The following LRP3 variants were observed in gnomAD, a reference collection of about 807,000 sequenced individuals.
LRP3 encodes the protein LDL receptor related protein 3.
LRP3 carries 49 observed loss-of-function variants against 58.5 expected under a neutral mutation model. The observed-to-expected ratio is 0.84, with a 90% CI of 0.67 to 1.06. LRP3 has a LOEUF of 1.06. Ranked by LOEUF, LRP3 falls within the 50% of genes least tolerant of loss-of-function variation. The pLI, the probability that LRP3 is intolerant of heterozygous loss-of-function variation, is 0.00. For synonymous variants in LRP3, 485 were observed against 492.2 expected (o/e 0.99, Z 0.20); for missense variants, 1,019 against 1,134.2 (o/e 0.90, Z 1.46).
rs141604275 is a variant in LRP3 at position 33,202,939 on chromosome 19, C to T, written c.213C>T (p.Asn71=). Residue 71 remains asparagine, a synonymous_variant, in exon 3 of 7, where the codon AAC becomes AAT. Transcript: ENST00000253193. ...CCCTCAACTACCCGCCAGGCACCAA[C>T]TGCAGCTGGTACATCCAGGGCGACC... ...AWPLNYPPGT[N]CSWYIQGDRG... The T allele has an allele frequency of 7.9e-5, 128 of 1,612,718 alleles. No individual in the cohort carries two copies. In the African/African-American group the frequency reaches 1.6e-3, roughly 20 times the overall value.
In LRP3 at chr19:33,207,669, AG is replaced by A. The variant is rs1235913820; in HGVS notation, c.*96del. 2.8e-6 allele frequency: 3 copies of A among 1,057,000 alleles called. No homozygotes were observed. In the African/African-American group the frequency reaches 4.7e-5, roughly 17 times the overall value. 65.5% of individuals were successfully genotyped at this position (1,057,000 alleles called of 1,614,324 possible). On this transcript the variant is annotated 3_prime_UTR_variant, in exon 7 of 7. Transcript: ENST00000253193. ...TGCCTCTGCGTCCTTTCTTATGGAG[AG>A]GCCCTCCGGGGACCCCAGCGGAGGG...
chr19:33,205,423 C>T lies in LRP3; in HGVS notation c.653C>T (p.Pro218Leu), dbSNP rs756741325. ...PGSLCPGGTF[P>L]CSGARSTRCL... is the part of the protein sequence containing the mutation. ...AGCCTGTGCCCCGGGGGGACCTTCC[C>T]ATGCAGCGGGGCGCGCTCCACGCGC... Residue 218 changes from proline to leucine, a missense_variant, in exon 5 of 7, where the codon CCA becomes CTA. This residue lies in a region of LRP3 where 592 missense variants were observed against 725.5 expected (regional missense o/e 0.82). Coordinates refer to ENST00000253193, the MANE Select transcript of LRP3 (RefSeq NM_002333.4). 5.0e-6 allele frequency: 8 copies of T among 1,593,018 alleles called. No homozygotes were observed. The South Asian group carries it at 5.6e-5, about 11-fold the overall frequency.
intron 1 of LRP3, 24 bp from the exon 2 acceptor site, chr19:33,196,706 A>T: frequency 6.2e-7 from 1 of 1,613,590 alleles, no homozygotes. Flanking sequence ...GGGACCCCTG[A>T]CCCTTTCTTT....
chr19:33,204,610 T>A (rs768844690), intron 3 of LRP3, 28 bp from the exon 4 acceptor site: 1 of 1,540,078 alleles, frequency 6.5e-7, no homozygotes, highest in Non-Finnish European at 8.9e-7. Context: ...TACTGCCTCA[T>A]GTCTGGGTCC....
chr19:33,207,689 C>T lies in LRP3; in HGVS notation c.*114C>T, dbSNP rs898497884. On this transcript the variant is annotated 3_prime_UTR_variant, in exon 7 of 7. Coordinates refer to ENST00000253193, the MANE Select transcript of LRP3 (RefSeq NM_002333.4). The stretch of plus-strand genomic sequence containing the variant: ...TGGAGAGGCCCTCCGGGGACCCCAG[C>T]GGAGGGGCTGGCCCCTAAGCCAGCT... 5.1e-5 allele frequency: 43 copies of T among 841,498 alleles called. No homozygotes were observed. The highest frequency in any genetic ancestry group is 3.5e-4 in the African/African-American group (21 of 59,398). The allele number at this position is 841,498 out of a possible 1,614,324, so 52.1% of individuals were successfully genotyped here. A position where few individuals can be genotyped will look rare whatever the true frequency, so the allele number is the denominator to read the frequency against.
rs781674425 is a variant in LRP3 at position 33,207,171 on chromosome 19, G to A, written c.1909G>A (p.Asp637Asn). ...AARPSQTVLG[D>N]GFLQPAPGAA... ...ACGCCCCTCACAGACCGTGCTGGGC[G>A]ATGGCTTCCTCCAGCCTGCTCCAGG... Residue 637 changes from aspartate to asparagine, a missense_variant, in exon 7 of 7, where the codon GAT becomes AAT. Transcript: ENST00000253193. 216 of 1,545,134 alleles carry A rather than the reference G, an allele frequency of 1.4e-4. 1 individual carries two copies. The highest frequency in any genetic ancestry group is 1.2e-4 in the Non-Finnish European group (143 of 1,149,840).
rs933787038 is a variant in LRP3, at chr19:33,194,704, A to G, written c.-82A>G. ...CCGAGCCCGAGCCCGAGCCGCAGCCAGAGCCAGAGCCGGAGCCGCAGCCGG... is the reference window on the plus strand; with the variant it reads ...CCGAGCCCGAGCCCGAGCCGCAGCCGGAGCCAGAGCCGGAGCCGCAGCCGG... On this transcript the variant is annotated 5_prime_UTR_variant, in exon 1 of 7. Coordinates refer to ENST00000253193, the MANE Select transcript of LRP3 (RefSeq NM_002333.4). 176 of 376,094 alleles carry G rather than the reference A, an allele frequency of 4.7e-4. 6 individuals are homozygous for G. In the South Asian group the frequency reaches 0.015, roughly 33 times the overall value. The allele number at this position is 376,094 out of a possible 1,614,324, so 23.3% of individuals were successfully genotyped here.
chr19:33,204,988 C>CAGGA (rs1478044049), intron 4 of LRP3, 136 bp downstream of exon 4: 1 of 850,194 alleles, frequency 1.2e-6, no homozygotes, highest in East Asian at 2.7e-5. Flanking sequence ...CTGTCAATCT[C>CAGGA]AGGACAGTGG....
Position 33,194,768 on chromosome 19 carries a change from C to A in LRP3, c.-18C>A. On this transcript the variant is annotated 5_prime_UTR_variant, in exon 1 of 7. Transcript: ENST00000253193. The stretch of plus-strand genomic sequence containing the variant: ...GCCGCGGGGCAGGAGGCGGCGCCCG[C>A]GGGCGGCCGGGCCCGGCATGGAGAA... 1.0e-6 allele frequency: 1 copy of A among 958,912 alleles called. No individual in the cohort carries two copies. Among genetic ancestry groups the A allele is most frequent in the Non-Finnish European group, 1.2e-6 (1 of 804,986 alleles). The allele number at this position is 958,912 out of a possible 1,614,324, so 59.4% of individuals were successfully genotyped here. A position where few individuals can be genotyped will look rare whatever the true frequency, so the allele number is the denominator to read the frequency against.
intron 1 of LRP3, among the ~76,000 whole-genome samples, chr19:33,195,267 C>T (rs1433224033): frequency 6.6e-6 from 1 of 152,156 alleles, no homozygotes; most frequent in Non-Finnish European, 1.5e-5. Context: ...GTGTAAGCCG[C>T]AGATGGGGAC....
chr19:33,202,467 G>A lies in LRP3; in HGVS notation c.122-381G>A, dbSNP rs558880450. 9.8e-5 allele frequency among the ~76,000 whole-genome samples: 15 copies of A among 152,330 alleles called. No individual in the cohort carries two copies. The South Asian group carries it at 2.5e-3, about 25-fold the overall frequency. On this transcript the variant is annotated intron_variant, in intron 2 of 6. Transcript: ENST00000253193. ...GGGCCATCGCAGGATGGGCTATGCC[G>A]GCTGGGCAGGCCTAGGGGTGTGGGA...
chr19:33,201,895 AGCGAG>A (rs1234488822), intron 2 of LRP3, among the ~76,000 whole-genome samples: 5 of 152,156 alleles, frequency 3.3e-5, no homozygotes, highest in Non-Finnish European at 7.4e-5. Context: ...GATGGATTAA[AGCGAG>A]GCCCATGGGG....
intron 1 of LRP3, 51 bp downstream of exon 1, chr19:33,194,909 C>G: frequency 1.0e-6 from 1 of 985,194 alleles, no homozygotes; most frequent in Non-Finnish European, 1.3e-6. Context: ...CATGGCAGTC[C>G]GCGCCGCGCC....
At chr19:33,200,393 G>A (rs1974329657) in intron 2 of LRP3, among the ~76,000 whole-genome samples, 1 of 50,186 alleles carries the variant, frequency 2.0e-5, no homozygotes, top group African/African-American at 5.0e-5. Flanking sequence ...TACCACGCCT[G>A]GCTAATTTTA....
chr19:33,195,736 G>T (rs1386639778), intron 1 of LRP3, among the ~76,000 whole-genome samples: 1 of 152,234 alleles, frequency 6.6e-6, no homozygotes, highest in African/African-American at 2.4e-5. Context: ...GGCTCAGTGG[G>T]AATGTGCCAT....
At position 33,207,446 on chromosome 19, in the gene LRP3, C is replaced by T. The variant is rs1026805726; in HGVS notation, c.2184C>T (p.Pro728=). Residue 728 remains proline (P), a synonymous_variant, in exon 7 of 7, where the codon CCC becomes CCT. Transcript: ENST00000253193. ...CCTGCTCAGCCCAGGACCCGCACCC[C>T]CAGGTCTCCACTGCCAGCAGCACCC... ...REPCSAQDPH[P]QVSTASSTLG... The T allele has an allele frequency of 6.3e-7, 1 of 1,598,030 alleles. No individual in the cohort carries two copies. The highest frequency in any genetic ancestry group is 8.5e-7 in the Non-Finnish European group (1 of 1,176,616).
rs528983286 is a variant in LRP3 at position 33,208,659 on chromosome 19, C to T, written c.*1084C>T. On this transcript the variant is annotated 3_prime_UTR_variant, in exon 7 of 7. Coordinates refer to ENST00000253193, the MANE Select transcript of LRP3 (RefSeq NM_002333.4). The surrounding 1 kb of genome is among the most constrained non-coding windows in gnomAD (Gnocchi z 4.7). ...TGCCCATCAGGGACTCCCCATAGCA[C>T]GAGCGAACAGCCAGCCCTGTTTATT... 62 of 590,390 alleles carry T rather than the reference C, an allele frequency of 1.1e-4. No homozygotes were observed. The highest frequency in any genetic ancestry group is 9.1e-4 in the Middle Eastern group (2 of 2,186). The allele number at this position is 590,390 out of a possible 1,614,324, so 36.6% of individuals were successfully genotyped here.
At position 33,205,861 on chromosome 19, in the gene LRP3, T is replaced by C. The variant is rs898017957; in HGVS notation, c.1091T>C (p.Val364Ala). The C allele has an allele frequency of 6.2e-7, 1 of 1,602,762 alleles. No individual in the cohort carries two copies. The highest frequency in any genetic ancestry group is 8.5e-7 in the Non-Finnish European group (1 of 1,174,746). The change falls in exon 5 of 7, where the codon GTG becomes GCG. Residue 364 changes from valine (V) to alanine (A), a missense_variant. Physicochemically the swap from Val to Ala is moderately conservative, Grantham distance 64. Coordinates refer to ENST00000253193, the MANE Select transcript of LRP3 (RefSeq NM_002333.4). ...CACGGCTTCAATGCCACCTACCAGG[T>C]GAAGGGCTATTGCCTCCCCTGGGAG... ...AGHGFNATYQVKGYCLPWEQP... is the reference protein window; with the variant it reads ...AGHGFNATYQAKGYCLPWEQP...
rs1568383441 is a variant in LRP3, at chr19:33,205,556, C to CGGCT, written c.787_790dup (p.Ser264TrpfsTer43). 6.2e-7 allele frequency: 1 copy of CGGCT among 1,600,980 alleles called. No individual in the cohort carries two copies. Among genetic ancestry groups the CGGCT allele is most frequent in the Non-Finnish European group, 8.5e-7 (1 of 1,175,162 alleles). ...GCGGCCGGCGGCTGGGCAGCTTCTA[C>CGGCT]GGCTCCTTTGCCTCCCCAGACCTGT... On this transcript the variant is annotated frameshift_variant, in exon 5 of 7. Transcript: ENST00000253193. LOFTEE classifies it high-confidence loss of function.
Sources: allele counts gnomAD v4.1 joint callset (sites outside exome capture counted in the v4.1 genomes callset), GRCh38; gene constraint gnomAD v4.1.1; regional missense constraint gnomAD v4.1.1; non-coding constraint Gnocchi (gnomAD v3.1); transcripts MANE v1.5; gene names NCBI Gene and HGNC (gene_info 2026-07-23, HGNC 2026-07-21).